The following RUNX1T1 variants were observed in gnomAD, a reference collection of about 807,000 sequenced individuals.
RUNX1T1 encodes the protein protein CBFA2T1.
Under a neutral mutation model 62.8 loss-of-function variants are expected in RUNX1T1, and 4 were observed. The observed-to-expected ratio is 0.06, with a 90% CI of 0.03 to 0.15. RUNX1T1 has a LOEUF of 0.15. Among genes scored for constraint, RUNX1T1 ranks in the 10% least tolerant of loss-of-function variants. The pLI is 1.00. For missense variants in RUNX1T1, 508 were observed against 754.3 expected (o/e 0.67, Z 3.82); for synonymous variants, 291 against 286.0 (o/e 1.02, Z -0.18).
At chr8:92,034,467 G>T (rs139246808) in intron 1 of RUNX1T1, among the ~76,000 whole-genome samples, 1 of 152,092 alleles carries the variant, frequency 6.6e-6, no homozygotes, top group Non-Finnish European at 1.5e-5. Context: ...TGAACAGCCT[G>T]TGACTTATAT....
intron 1 of RUNX1T1, among the ~76,000 whole-genome samples, chr8:92,053,734 C>T (rs936497610): frequency 1.3e-5 from 2 of 152,002 alleles, no homozygotes; most frequent in South Asian, 2.1e-4. Flanking sequence ...TTATTTCTTT[C>T]TTTTGAAATC....
intron 1 of RUNX1T1, among the ~76,000 whole-genome samples, chr8:92,035,495 T>TA (rs576124070): frequency 0.017 from 2,532 of 151,496 alleles, 28 homozygotes; most frequent in Non-Finnish European, 0.02. Flanking sequence ...TCTAAATACA[T>TA]AAAAAAAAAT....
chr8:92,045,377 A>G (rs779108928), intron 1 of RUNX1T1, among the ~76,000 whole-genome samples: 1 of 152,152 alleles, frequency 6.6e-6, no homozygotes, highest in Non-Finnish European at 1.5e-5. Context: ...ACCATGATAC[A>G]TTCCCAACTG....
chr8:92,002,111 A>T (rs1476282327), intron 5 of RUNX1T1, among the ~76,000 whole-genome samples: 2 of 152,168 alleles, frequency 1.3e-5, no homozygotes, highest in Non-Finnish European at 2.9e-5. Flanking sequence ...ACTATAAATG[A>T]CGTTTACATA....
intron 1 of RUNX1T1, among the ~76,000 whole-genome samples, chr8:92,049,872 T>A (rs963849832): frequency 1.3e-5 from 2 of 152,202 alleles, no homozygotes; most frequent in South Asian, 4.1e-4. Flanking sequence ...ATTAAGTGCA[T>A]AATTTAGGCA....
chr8:91,995,722 G>A (rs1818531400), intron 5 of RUNX1T1, among the ~76,000 whole-genome samples: 1 of 152,108 alleles, frequency 6.6e-6, no homozygotes, highest in South Asian at 2.1e-4. Flanking sequence ...AAGAGATTGA[G>A]GCTGCAGTGA....
At chr8:91,982,701 T>TG (rs1156407574) in intron 8 of RUNX1T1, among the ~76,000 whole-genome samples, 1 of 152,168 alleles carries the variant, frequency 6.6e-6, no homozygotes, top group African/African-American at 2.4e-5. Flanking sequence ...GTTGGATACT[T>TG]GGAGTTTTCC....
At chr8:92,001,720 T>C (rs183880126) in intron 5 of RUNX1T1, among the ~76,000 whole-genome samples, 1 of 152,308 alleles carries the variant, frequency 6.6e-6, no homozygotes, top group Admixed American at 6.5e-5. Context: ...AGAAAAATCC[T>C]AAACCAGAAA....
chr8:92,096,389 G>T (rs1407038402), intron 1 of RUNX1T1, among the ~76,000 whole-genome samples: 1 of 152,176 alleles, frequency 6.6e-6, no homozygotes, highest in Non-Finnish European at 1.5e-5. Flanking sequence ...CAGAGAACAA[G>T]CAAGGGCTAA....
intron 3 of RUNX1T1, among the ~76,000 whole-genome samples, chr8:92,013,224 C>T (rs1172734928): frequency 1.3e-5 from 2 of 152,192 alleles, no homozygotes; most frequent in Non-Finnish European, 2.9e-5. Flanking sequence ...AGATAAGTGA[C>T]TGACAAAAGT....
intron 1 of RUNX1T1, among the ~76,000 whole-genome samples, chr8:92,029,126 C>T (rs62520941): frequency 7.2e-4 from 110 of 152,150 alleles, no homozygotes; most frequent in Middle Eastern, 6.8e-3. Context: ...GTGGCTAAAT[C>T]GTAGACAAGC....
At chr8:92,068,514 G>C (rs1225960476) in intron 2 of RUNX1T1, among the ~76,000 whole-genome samples, 1 of 152,084 alleles carries the variant, frequency 6.6e-6, no homozygotes, top group Middle Eastern at 3.2e-3. Flanking sequence ...CGGAGGGCTC[G>C]AGAGCTCTGT....
At chr8:91,970,043 T>TGTGTTGTGTGTGTG (rs11374252) in intron 10 of RUNX1T1, among the ~76,000 whole-genome samples, 89 of 142,808 alleles carry the variant, frequency 6.2e-4, no homozygotes, top group Middle Eastern at 3.6e-3. Flanking sequence ...TGTGTGTGTG[T>TGTGTTGTGTGTGTG]TGTGTGTGTG....
At chr8:92,038,046 C>CTTTA (rs58091057) in intron 1 of RUNX1T1, among the ~76,000 whole-genome samples, 2,314 of 150,060 alleles carry the variant, frequency 0.015, 45 homozygotes, top group African/African-American at 0.05. Context: ...CAAAATTCTT[C>CTTTA]TTTATTTATT....
At chr8:91,999,647 T>A (rs1363666373) in intron 5 of RUNX1T1, among the ~76,000 whole-genome samples, 3 of 152,150 alleles carry the variant, frequency 2.0e-5, no homozygotes, top group African/African-American at 7.2e-5. Flanking sequence ...CCTTCTGGAA[T>A]CTATGTCATA....
At chr8:91,958,940 AAG>A (rs36062285) in exon 11 of RUNX1T1, 27,443 of 194,116 alleles carry the variant, frequency 0.14, 2,365 homozygotes, top group Admixed American at 0.26. Flanking sequence ...GACAACCAAA[AAG>A]AGTCTTTTTT....
At chr8:91,958,115 G>A (rs73304081), downstream of RUNX1T1, 1,682 of 150,868 alleles carry the variant, frequency 0.011, 30 homozygotes, top group African/African-American at 0.054. Context: ...CCGCCCCAAA[G>A]CTAATGGATT....
chr8:91,960,303 G>T (rs754493125), exon 11 of RUNX1T1: 3 of 1,610,940 alleles, frequency 1.9e-6, no homozygotes, highest in Non-Finnish European at 2.5e-6. Flanking sequence ...CGGAGTGGCT[G>T]CTGGTGGTGT....
chr8:91,996,781 A>G (rs1383972559), intron 5 of RUNX1T1, among the ~76,000 whole-genome samples: 2 of 151,908 alleles, frequency 1.3e-5, no homozygotes, highest in Non-Finnish European at 2.9e-5. Context: ...CAGCTCCTCA[A>G]TAACAGAAAC....
Sources: gnomAD v4.1 joint callset for allele counts (sites outside exome capture counted in the v4.1 genomes callset) on GRCh38, gnomAD v4.1.1 for gene constraint, MANE v1.5 for transcripts, NCBI Gene and HGNC (gene_info 2026-07-23, HGNC 2026-07-21) for gene names.